Variants in DNAI4 observed in about 807,000 individuals in gnomAD.
The protein encoded by DNAI4 is WD repeat domain 78.
In DNAI4, 85 loss-of-function variants were observed where a neutral mutation model predicts 105.8. The observed-to-expected ratio is 0.80, with a 90% CI of 0.67 to 0.96. The LOEUF is 0.96. Ranked by LOEUF, DNAI4 falls within the 40% of genes least tolerant of loss-of-function variation. The pLI is 0.00. For missense variants in DNAI4, 1,014 were observed against 1,005.6 expected, an observed-to-expected ratio of 1.01 and a Z score of -0.11; for synonymous variants, 352 against 331.5, an observed-to-expected ratio of 1.06 and a Z score of -0.67.
In DNAI4 at chr1:66,924,760, G is replaced by T. The variant is rs200781785; in HGVS notation, c.72C>A (p.Phe24Leu). The stretch of plus-strand genomic sequence containing the variant: ...ACCACCCCTTTTTTTGGCCGCCTCT[G>T]AAGTCCCTGTACCCCCAAGCTCCTC... ...ANGGAWGYRDFRGGQKKGWCT... is the reference protein window; with the variant it reads ...ANGGAWGYRDLRGGQKKGWCT... Residue 24 changes from phenylalanine (F) to leucine (L), a missense_variant, in exon 1 of 17, where the codon TTC (phenylalanine) becomes TTA (leucine). Phe to Leu is a conservative substitution (Grantham distance 22, BLOSUM62 0). Transcript: ENST00000371026. The T allele has an allele frequency of 4.8e-5, 78 of 1,614,068 alleles. No homozygotes were observed. Among genetic ancestry groups the T allele is most frequent in the Admixed American group, 6.7e-5 (4 of 60,008 alleles).
intron 2 of DNAI4, among the ~76,000 whole-genome samples, chr1:66,902,773 G>A (rs1648929834): frequency 6.6e-6 from 1 of 152,150 alleles, no homozygotes; most frequent in African/African-American, 2.4e-5. Context: ...ATATCCAGTT[G>A]TCCCAACAAG....
intron 2 of DNAI4, among the ~76,000 whole-genome samples, chr1:66,894,745 A>G (rs1022070096): frequency 6.6e-6 from 1 of 152,182 alleles, no homozygotes; most frequent in Non-Finnish European, 1.5e-5. Flanking sequence ...CACATTTATT[A>G]TAAAATAAGT....
chr1:66,892,955 A>AAGAG (rs1255290895), intron 3 of DNAI4, among the ~76,000 whole-genome samples: 1 of 84,114 alleles, frequency 1.2e-5, no homozygotes, highest in East Asian at 2.3e-4. Context: ...AAAGAGAAGA[A>AAGAG]AGAAAGAAAG....
At chr1:66,837,108 G>A (rs1263624486) in intron 10 of DNAI4, among the ~76,000 whole-genome samples, 2 of 152,098 alleles carry the variant, frequency 1.3e-5, no homozygotes, top group Non-Finnish European at 2.9e-5. Flanking sequence ...GCTCACGCCC[G>A]TAATCCCAGC....
At chr1:66,871,185 ATATAT>A (rs1294176703) in intron 6 of DNAI4, 180 bp downstream of exon 6, 1 of 494,796 alleles carries the variant, frequency 2.0e-6, no homozygotes, top group Admixed American at 3.9e-5. Flanking sequence ...ATTCAAATCT[ATATAT>A]TTATTACTTA....
chr1:66,886,392 T>A (rs1376475512), intron 4 of DNAI4, among the ~76,000 whole-genome samples: 1 of 152,244 alleles, frequency 6.6e-6, no homozygotes, highest in African/African-American at 2.4e-5. Flanking sequence ...GCACTCCTAA[T>A]GACTTTTTGT....
At chr1:66,878,921 C>T (rs1647011678) in intron 4 of DNAI4, among the ~76,000 whole-genome samples, 1 of 152,136 alleles carries the variant, frequency 6.6e-6, no homozygotes, top group African/African-American at 2.4e-5. Flanking sequence ...GGTATATACC[C>T]TTTCCTCCCA....
intron 4 of DNAI4, among the ~76,000 whole-genome samples, chr1:66,889,048 C>G (rs1569780917): frequency 6.6e-6 from 1 of 152,158 alleles, no homozygotes; most frequent in Non-Finnish European, 1.5e-5. Context: ...GTTTTCCCTG[C>G]CTCCACCTGA....
chr1:66,821,091 C>CTTTTTTTTTTTTTTT (rs55811909), intron 16 of DNAI4, among the ~76,000 whole-genome samples: 1 of 80,326 alleles, frequency 1.2e-5, no homozygotes. Context: ...AAACATTTCT[C>CTTTTTTTTTTTTTTT]TTTTTTTTTT....
chr1:66,881,928 T>C (rs1647080322), intron 4 of DNAI4, among the ~76,000 whole-genome samples: 1 of 152,176 alleles, frequency 6.6e-6, no homozygotes, highest in Admixed American at 6.5e-5. Flanking sequence ...TCCTGTGCTG[T>C]TCTTGTAATA....
intron 3 of DNAI4, among the ~76,000 whole-genome samples, chr1:66,892,088 A>G (rs1647703379): frequency 6.6e-6 from 1 of 152,252 alleles, no homozygotes; most frequent in African/African-American, 2.4e-5. Context: ...TCAGAAATAA[A>G]TCAATGGAAG....
At position 66,847,547 on chromosome 1, in the gene DNAI4, C is replaced by T. The variant is rs780772014; in HGVS notation, c.1228G>A (p.Val410Ile). The change falls in exon 8 of 17, where the codon GTT (valine) becomes ATT (isoleucine). Residue 410 changes from valine (V) to isoleucine (I), a missense_variant. Coordinates refer to ENST00000371026, the MANE Select transcript of DNAI4 (RefSeq NM_024763.5). ...GGCTGAAATATATTTTCCATCAGAACCCGTTCCATAAAAAATAAGTCCTGA... is the reference window on the plus strand; with the variant it reads ...GGCTGAAATATATTTTCCATCAGAATCCGTTCCATAAAAAATAAGTCCTGA... ...FHQDLFFMER[V>I]LMENIFQPKL... is the part of the protein sequence containing the mutation. 1 of 1,613,928 alleles carries T rather than the reference C, an allele frequency of 6.2e-7. No homozygotes were observed. The highest frequency in any genetic ancestry group is 1.1e-5 in the South Asian group (1 of 91,044).
intron 2 of DNAI4, 78 bp from the exon 3 acceptor site, chr1:66,893,491 C>A: frequency 2.9e-6 from 3 of 1,049,552 alleles, no homozygotes; most frequent in African/African-American, 1.6e-5. Context: ...AAAATAGAAA[C>A]AAATATGGTA....
At chr1:66,837,558 C>T in intron 10 of DNAI4, 152 bp downstream of exon 10, 1 of 954,618 alleles carries the variant, frequency 1.0e-6, no homozygotes, top group Non-Finnish European at 1.5e-6. Context: ...TCAACAAGAA[C>T]AAATTTTAAT....
rs1442599924 is a variant in DNAI4 at position 66,858,743 on chromosome 1, C to T, written c.1096+3404G>A. Among the ~76,000 whole-genome samples the T allele has an allele frequency of 3.9e-5, 6 of 151,950 alleles. No homozygotes were observed. In the South Asian group the frequency reaches 8.3e-4, roughly 21 times the overall value. The stretch of plus-strand genomic sequence containing the variant: ...CAATAGACACAGAAAAAGTACTTGA[C>T]GAAATTCATTGCACATTCATGATAA... On this transcript the variant is annotated intron_variant, in intron 7 of 16. Coordinates refer to ENST00000371026, the MANE Select transcript of DNAI4 (RefSeq NM_024763.5).
intron 1 of DNAI4, among the ~76,000 whole-genome samples, chr1:66,914,130 T>C (rs575121817): frequency 4.6e-5 from 7 of 150,992 alleles, no homozygotes; most frequent in African/African-American, 1.7e-4. Context: ...AATAAAAAAA[T>C]AAAAAGTGGG....
At chr1:66,898,057 G>C (rs1427425698) in intron 2 of DNAI4, among the ~76,000 whole-genome samples, 5 of 152,192 alleles carry the variant, frequency 3.3e-5, no homozygotes, top group Non-Finnish European at 4.4e-5. Flanking sequence ...CCCTGCACCA[G>C]TGTGTCCAGA....
At chr1:66,855,430 A>G (rs1646480655) in intron 7 of DNAI4, among the ~76,000 whole-genome samples, 1 of 152,222 alleles carries the variant, frequency 6.6e-6, no homozygotes, top group Non-Finnish European at 1.5e-5. Context: ...GTTTTGCCAT[A>G]CCTCAATAAG....
At chr1:66,834,387 TTAAC>T (rs765008504) in intron 11 of DNAI4, among the ~76,000 whole-genome samples, 64 of 152,102 alleles carry the variant, frequency 4.2e-4, no homozygotes, top group Admixed American at 7.2e-4. Context: ...GTACTGGTCT[TTAAC>T]TATATTAGCT....
Sources: allele counts gnomAD v4.1 joint callset (sites outside exome capture counted in the v4.1 genomes callset), GRCh38; gene constraint gnomAD v4.1.1; transcripts MANE v1.5; gene names NCBI Gene and HGNC (gene_info 2026-07-23, HGNC 2026-07-21).